MYO18A: variants seen among roughly 807,000 people sequenced by gnomAD.
The protein encoded by MYO18A is myosin XVIIIA, also known as unconventional myosin-XVIIIa.
MYO18A carries 78 observed loss-of-function variants against 235.8 expected under a neutral mutation model. The ratio of observed to expected loss-of-function variants is 0.33; its 90% CI spans 0.28 to 0.40. MYO18A has a LOEUF of 0.40. Among genes scored for constraint, MYO18A ranks in the 10% least tolerant of loss-of-function variants. The pLI is 1.00. For synonymous variants in MYO18A, 977 were observed against 1,077.8 expected, an observed-to-expected ratio of 0.91 and a Z score of 1.83; for missense variants, 2,215 against 2,699.3, an observed-to-expected ratio of 0.82 and a Z score of 3.98.
At chr17:29,169,416 CCCAAAAGGCACACAGCCAGGGGCCTTGG>C (rs1598399973) in intron 1 of MYO18A, among the ~76,000 whole-genome samples, 1 of 152,102 alleles carries the variant, frequency 6.6e-6, no homozygotes, top group Non-Finnish European at 1.5e-5. Flanking sequence ...AAATCTAGGG[CCCAAAAGGCACACAGCCAGGGGCCTTGG>C]CCAGGTAGGT....
In MYO18A at chr17:29,090,030, C is replaced by A; in HGVS notation, c.5457G>T (p.Arg1819Ser). 1.2e-6 allele frequency: 2 copies of A among 1,614,048 alleles called. No individual in the cohort carries two copies. Among genetic ancestry groups the A allele is most frequent in the Non-Finnish European group, 1.7e-6 (2 of 1,179,890 alleles). Residue 1819 changes from arginine (R) to serine (S), a missense_variant, in exon 37 of 42, where the codon AGG becomes AGT. Arg to Ser is a moderately radical substitution (Grantham distance 110). Coordinates refer to ENST00000527372, the MANE Select transcript of MYO18A (RefSeq NM_078471.4). ...QSMVDKSLVS[R>S]QEAKIRELET... ...CCAGCTCCCGTATCTTAGCTTCCTG[C>A]CTGCTCACCAGGGACTTGTCCACCA...
In MYO18A at chr17:29,111,245, C is replaced by G. The variant is rs571143744; in HGVS notation, c.2900+179G>C. ...CTCCCACCATGTCTGCCTCCCACCT[C>G]TACTTCAAGAGGCCCCTCAAGCTCC... On this transcript the variant is annotated intron_variant, in intron 17 of 41. Coordinates refer to ENST00000527372, the MANE Select transcript of MYO18A (RefSeq NM_078471.4). The surrounding 1 kb of genome is among the most constrained non-coding windows in gnomAD (Gnocchi z 5.1). 6.6e-6 allele frequency among the ~76,000 whole-genome samples: 1 copy of G among 152,320 alleles called. No individual in the cohort carries two copies. The highest frequency in any genetic ancestry group is 3.4e-3 in the Middle Eastern group (1 of 294).
rs1453995621 is a variant in MYO18A, at chr17:29,179,052, G to A, written c.-82+1261C>T. On this transcript the variant is annotated intron_variant, in intron 1 of 41. Coordinates refer to ENST00000527372, the MANE Select transcript of MYO18A (RefSeq NM_078471.4). ...TAGCCCAAGTCATTGGCAGGGTGAAGCAGGGAGGGAATCCAATTCTTTAAT... is the reference window on the plus strand; with the variant it reads ...TAGCCCAAGTCATTGGCAGGGTGAAACAGGGAGGGAATCCAATTCTTTAAT... 2.6e-5 allele frequency among the ~76,000 whole-genome samples: 4 copies of A among 152,330 alleles called. No individual in the cohort carries two copies. The South Asian group carries it at 8.3e-4, about 32-fold the overall frequency.
chr17:29,132,918 C>A (rs938287611), intron 2 of MYO18A, among the ~76,000 whole-genome samples: 1 of 152,296 alleles, frequency 6.6e-6, no homozygotes, highest in East Asian at 1.9e-4. Context: ...TCACTCTCCC[C>A]CTTGCTGCCC....
chr17:29,107,308 TG>T, intron 19 of MYO18A, 119 bp from the exon 20 acceptor site: 2 of 910,770 alleles, frequency 2.2e-6, no homozygotes, highest in Non-Finnish European at 3.5e-6. Flanking sequence ...CTGCAGGGGG[TG>T]GGGAGCCTGT....
At chr17:29,080,882 G>T in intron 41 of MYO18A, 1 of 985,422 alleles carries the variant, frequency 1.0e-6, no homozygotes, top group Admixed American at 6.1e-5. Flanking sequence ...GAGGTGAAGA[G>T]CGAATCCGCG....
At position 29,166,349 on chromosome 17, in the gene MYO18A, T is replaced by G. The variant is rs2068284109; in HGVS notation, c.592A>C (p.Thr198Pro). ...CGCAGGTCGACTGGGAACTTTTTAG[T>G]CACTAGCTCAGGGGCTCGGGATCGG... ...GHRSRAPELV[T>P]KKFPVDLRLP... Residue 198 changes from threonine to proline, a missense_variant, in exon 2 of 42, where the codon ACT becomes CCT. Thr to Pro is a conservative substitution (Grantham distance 38). Transcript: ENST00000527372. 6.2e-7 allele frequency: 1 copy of G among 1,612,968 alleles called. No individual in the cohort carries two copies.
intron 2 of MYO18A, among the ~76,000 whole-genome samples, chr17:29,138,888 G>A (rs1448615265): frequency 1.3e-5 from 2 of 152,204 alleles, no homozygotes; most frequent in Non-Finnish European, 1.5e-5. Context: ...TGCCAGAAGA[G>A]CAGCTTGGGA....
At chr17:29,101,475 T>C (rs997440315) in intron 21 of MYO18A, among the ~76,000 whole-genome samples, 1 of 152,122 alleles carries the variant, frequency 6.6e-6, no homozygotes, top group African/African-American at 2.4e-5. Context: ...CCAGATACTT[T>C]TTTTGTATTT....
In MYO18A at chr17:29,092,949, C is replaced by T. The variant is rs766502101; in HGVS notation, c.4979G>A (p.Arg1660His). The change falls in exon 33 of 42, where the codon CGC becomes CAC. Residue 1660 changes from arginine to histidine, a missense_variant. Arg to His is a conservative substitution (Grantham distance 29). Coordinates refer to ENST00000527372, the MANE Select transcript of MYO18A (RefSeq NM_078471.4). ...GGCATCTGCCAGCAGGGCCTTGGTGCGCTTCAGGTCCTTCCGCAGCCGCTT... is the reference window on the plus strand; with the variant it reads ...GGCATCTGCCAGCAGGGCCTTGGTGTGCTTCAGGTCCTTCCGCAGCCGCTT... ...SEKRLRKDLK[R>H]TKALLADAQL... 1.1e-5 allele frequency: 18 copies of T among 1,613,668 alleles called. No homozygotes were observed. Among genetic ancestry groups the T allele is most frequent in the African/African-American group, 1.1e-4 (8 of 74,920 alleles).
chr17:29,169,988 C>T (rs747751930), intron 1 of MYO18A, among the ~76,000 whole-genome samples: 18 of 152,202 alleles, frequency 1.2e-4, no homozygotes, highest in Non-Finnish European at 2.2e-4. Context: ...ACGGTCACAG[C>T]AGCAGCACAA....
intron 18 of MYO18A, 95 bp from the exon 19 acceptor site, chr17:29,110,196 G>T: frequency 4.7e-6 from 7 of 1,504,534 alleles, no homozygotes; most frequent in South Asian, 2.5e-5. Context: ...TCACAGGGTA[G>T]CAGCGGCCCC....
At chr17:29,089,222 G>A (rs1004305626) in intron 37 of MYO18A, among the ~76,000 whole-genome samples, 1 of 151,390 alleles carries the variant, frequency 6.6e-6, no homozygotes, top group East Asian at 1.9e-4. Context: ...CATGAGGTCA[G>A]GAGATCAAGA....
chr17:29,101,683 G>A (rs950387632), intron 21 of MYO18A, among the ~76,000 whole-genome samples: 1 of 152,214 alleles, frequency 6.6e-6, no homozygotes, highest in East Asian at 1.9e-4. Context: ...CCCGCCGGAG[G>A]ACAGCAAACA....
In MYO18A at chr17:29,120,131, GGAA is replaced by G. The variant is rs2067162397; in HGVS notation, c.1728+482_1728+484del. Among the ~76,000 whole-genome samples, 2 of 152,230 alleles carry G rather than the reference GGAA, an allele frequency of 1.3e-5. No homozygotes were observed. Among genetic ancestry groups the G allele is most frequent in the Admixed American group, 1.3e-4 (2 of 15,280 alleles). ...TGGGGGACAGAAACCAGAATGAGGT[GGAA>G]GAAGACAGGCCCAGCTCCCAAAGGG... On this transcript the variant is annotated intron_variant, in intron 7 of 41. Coordinates refer to ENST00000527372, the MANE Select transcript of MYO18A (RefSeq NM_078471.4). This position sits in a 1 kb window ranked among gnomAD's most constrained non-coding sequence, Gnocchi z 4.2.
At chr17:29,094,149 A>C (rs1417843514) in intron 30 of MYO18A, 59 bp from the exon 31 acceptor site, 10 of 1,240,606 alleles carry the variant, frequency 8.1e-6, no homozygotes, top group Middle Eastern at 1.8e-4. Context: ...CCCCCTTCCC[A>C]CCTGTGCATG....
intron 1 of MYO18A, among the ~76,000 whole-genome samples, chr17:29,170,041 G>A (rs981615943): frequency 3.9e-5 from 6 of 152,140 alleles, no homozygotes; most frequent in Admixed American, 6.5e-5. Flanking sequence ...TGGTATCTAG[G>A]CCTGGATCTG....
At chr17:29,095,090 G>A in intron 28 of MYO18A, 31 bp from the exon 29 acceptor site, 1 of 1,499,498 alleles carries the variant, frequency 6.7e-7, no homozygotes, top group Non-Finnish European at 8.9e-7. Context: ...TCCATCAGAT[G>A]GGGAAGAGCC....
At position 29,165,971 on chromosome 17, in the gene MYO18A, C is replaced by A. The variant is rs200744136; in HGVS notation, c.970G>T (p.Gly324Cys). Residue 324 changes from glycine (G) to cysteine (C), a missense_variant, in exon 2 of 42, where the codon GGC becomes TGC. Gly to Cys is a radical substitution (Grantham distance 159). Transcript: ENST00000527372. ...GATGGCTCCCTGCGAGGTCCCTCGC[C>A]GCTCCGCAGCCAGCTCCTGCTGAGC... is the stretch of plus-strand genomic sequence containing the variant. ...SELSRSWLRSGEGPRREPSDA... is the reference protein window; with the variant it reads ...SELSRSWLRSCEGPRREPSDA... The A allele has an allele frequency of 6.8e-6, 11 of 1,613,314 alleles. No individual in the cohort carries two copies. The South Asian group carries it at 1.1e-4, about 16-fold the overall frequency.
Sources: gnomAD v4.1 joint callset for allele counts (sites outside exome capture counted in the v4.1 genomes callset) on GRCh38, gnomAD v4.1.1 for gene constraint, Gnocchi (gnomAD v3.1) non-coding constraint, MANE v1.5 for transcripts, NCBI Gene and HGNC (gene_info 2026-07-23, HGNC 2026-07-21) for gene names.